The following PTPRD variants were observed in gnomAD, a reference collection of about 807,000 sequenced individuals.
The protein encoded by PTPRD is protein tyrosine phosphatase receptor type D, also known as receptor-type tyrosine-protein phosphatase delta.
In PTPRD, 34 loss-of-function variants were observed where a neutral mutation model predicts 214.5. That is an observed-to-expected ratio of 0.16 (90% CI 0.12 to 0.21). PTPRD has a LOEUF of 0.21. Among genes scored for constraint, PTPRD ranks in the 10% least tolerant of loss-of-function variants. The pLI is 1.00. For synonymous variants in PTPRD, 1,128 were observed against 845.7 expected, an observed-to-expected ratio of 1.33 and a Z score of -5.79; for missense variants, 2,545 against 2,398.7, an observed-to-expected ratio of 1.06 and a Z score of -1.27.
At chr9:8,326,320 G>C (rs904493598) in intron 44 of PTPRD, among the ~76,000 whole-genome samples, 1 of 152,182 alleles carries the variant, frequency 6.6e-6, no homozygotes, top group East Asian at 1.9e-4. Flanking sequence ...TGCATCTATT[G>C]AGATAATCAT....
At chr9:8,393,579 T>A (rs2090268687) in intron 36 of PTPRD, among the ~76,000 whole-genome samples, 1 of 152,136 alleles carries the variant, frequency 6.6e-6, no homozygotes, top group African/African-American at 2.4e-5. Flanking sequence ...GGTCTTAGTG[T>A]CTTTGTTCAA....
intron 9 of PTPRD, among the ~76,000 whole-genome samples, chr9:9,313,125 C>T (rs538829584): frequency 6.2e-4 from 94 of 152,118 alleles, no homozygotes; most frequent in African/African-American, 1.3e-3. Context: ...AAAAATATAG[C>T]GTAGGAACCT....
intron 8 of PTPRD, among the ~76,000 whole-genome samples, chr9:9,467,588 C>CAAAAAAAAAAAAAAAAAAA (rs1176159031): frequency 0.016 from 885 of 55,906 alleles, 144 homozygotes; most frequent in Middle Eastern, 0.038. Flanking sequence ...CTCCATCTCC[C>CAAAAAAAAAAAAAAAAAAA]AAAAAAAAAA....
At chr9:8,543,162 C>T (rs1466746270) in intron 14 of PTPRD, among the ~76,000 whole-genome samples, 1 of 152,104 alleles carries the variant, frequency 6.6e-6, no homozygotes, top group Admixed American at 6.5e-5. Context: ...TACTCAGAAG[C>T]GATGTAATAA....
intron 10 of PTPRD, among the ~76,000 whole-genome samples, chr9:9,049,476 C>T (rs1376960218): frequency 2.0e-5 from 3 of 152,200 alleles, no homozygotes; most frequent in Admixed American, 6.5e-5. Context: ...TTTGCCATTT[C>T]GCTAGATTTA....
chr9:9,798,611 A>C (rs2099018980), intron 5 of PTPRD, among the ~76,000 whole-genome samples: 1 of 152,194 alleles, frequency 6.6e-6, no homozygotes, highest in Non-Finnish European at 1.5e-5. Context: ...CTCAAATGTT[A>C]AGATGCCATA....
intron 2 of PTPRD, among the ~76,000 whole-genome samples, chr9:10,408,471 A>G (rs1163296319): frequency 6.6e-6 from 1 of 151,716 alleles, no homozygotes; most frequent in Non-Finnish European, 1.5e-5. Flanking sequence ...GTAACTTTCA[A>G]TGACTGCACA....
intron 4 of PTPRD, among the ~76,000 whole-genome samples, chr9:10,003,674 C>A (rs2096392345): frequency 6.6e-6 from 1 of 151,506 alleles, no homozygotes; most frequent in African/African-American, 2.4e-5. Context: ...CCCAATAAGG[C>A]TGATAAAACA....
At chr9:8,436,222 GT>G (rs1278314839) in intron 35 of PTPRD, among the ~76,000 whole-genome samples, 3 of 152,136 alleles carry the variant, frequency 2.0e-5, no homozygotes, top group Non-Finnish European at 2.9e-5. Context: ...ATGTTGATCA[GT>G]TTTAGCTAGA....
At chr9:8,618,896 G>GT (rs34636829) in intron 14 of PTPRD, among the ~76,000 whole-genome samples, 3 of 122,830 alleles carry the variant, frequency 2.4e-5, no homozygotes, top group African/African-American at 9.7e-5. Context: ...GTGTGTGTGT[G>GT]TTTGTCTGTG....
In PTPRD at chr9:10,586,115, A is replaced by G. The variant is rs975067994; in HGVS notation, c.-600+26283T>C. On this transcript the variant is annotated intron_variant, in intron 2 of 45. Coordinates refer to ENST00000381196, the MANE Select transcript of PTPRD (RefSeq NM_002839.4). ...AAAGAAATTTACATAAAAGTAAATT[A>G]TAAGAGATTTAAGCATTCAAAAATT... 4.6e-5 allele frequency among the ~76,000 whole-genome samples: 7 copies of G among 152,272 alleles called. No homozygotes were observed. In the East Asian group the frequency reaches 7.7e-4, roughly 17 times the overall value.
intron 12 of PTPRD, among the ~76,000 whole-genome samples, chr9:8,711,549 G>A (rs976876482): frequency 1.3e-5 from 2 of 152,010 alleles, no homozygotes; most frequent in African/African-American, 4.8e-5. Flanking sequence ...AACCCTTCGA[G>A]AGCTCATTTA....
chr9:8,437,409 G>C (rs899995102), intron 34 of PTPRD, among the ~76,000 whole-genome samples: 1 of 152,078 alleles, frequency 6.6e-6, no homozygotes, highest in Admixed American at 6.6e-5. Flanking sequence ...CATTAAGATC[G>C]CTAATATTTC....
chr9:9,010,676 T>C (rs1284493464), intron 11 of PTPRD, among the ~76,000 whole-genome samples: 1 of 150,792 alleles, frequency 6.6e-6, no homozygotes, highest in African/African-American at 2.4e-5. Context: ...AGTGTGGAAG[T>C]TGCTTCCAGT....
At chr9:10,225,582 T>C (rs749792986) in intron 3 of PTPRD, among the ~76,000 whole-genome samples, 95 of 152,034 alleles carry the variant, frequency 6.2e-4, no homozygotes, top group Non-Finnish European at 1.2e-3. Flanking sequence ...GTGTGCTGCC[T>C]GCTTATTTGG....
intron 7 of PTPRD, among the ~76,000 whole-genome samples, chr9:9,678,277 A>G (rs1038341962): frequency 6.6e-6 from 1 of 152,116 alleles, no homozygotes; most frequent in Non-Finnish European, 1.5e-5. Context: ...CTTAAGCCAA[A>G]AGAAGAAAGC....
chr9:9,043,896 C>G (rs1458033590), intron 10 of PTPRD, among the ~76,000 whole-genome samples: 1 of 144,418 alleles, frequency 6.9e-6, no homozygotes, highest in Non-Finnish European at 1.5e-5. Flanking sequence ...AGAGTGAGAC[C>G]CTGTCTCAAA....
intron 8 of PTPRD, among the ~76,000 whole-genome samples, chr9:9,527,994 C>A (rs1382315735): frequency 6.6e-6 from 1 of 152,128 alleles, no homozygotes; most frequent in East Asian, 1.9e-4. Context: ...AGAATTAAAA[C>A]AAAAGAGCCA....
intron 4 of PTPRD, among the ~76,000 whole-genome samples, chr9:9,993,735 C>T (rs1368773856): frequency 6.6e-6 from 1 of 151,616 alleles, no homozygotes; most frequent in Non-Finnish European, 1.5e-5. Context: ...CGTCTGGTCA[C>T]TTTTGTGAAT....
Sources: gnomAD v4.1 joint callset for allele counts (sites outside exome capture counted in the v4.1 genomes callset) on GRCh38, gnomAD v4.1.1 for gene constraint, MANE v1.5 for transcripts, NCBI Gene and HGNC (gene_info 2026-07-23, HGNC 2026-07-21) for gene names.